The following ZNF385D variants were observed in gnomAD, a reference collection of about 807,000 sequenced individuals.
The protein encoded by ZNF385D is zinc finger protein 659.
In ZNF385D, 15 loss-of-function variants were observed where a neutral mutation model predicts 35.8. The ratio of observed to expected loss-of-function variants is 0.42; its 90% CI spans 0.28 to 0.64. The LOEUF (loss-of-function observed/expected upper bound fraction) is 0.64, where lower values mean the gene tolerates loss of function less well. ZNF385D is among the 30% of genes least tolerant of loss of function. The pLI is 0.23. For synonymous variants in ZNF385D, 212 were observed against 186.8 expected (o/e 1.13, Z -1.10); for missense variants, 474 against 494.6 (o/e 0.96, Z 0.39).
At chr3:22,159,582 A>C (rs1044685298) in intron 3 of ZNF385D, among the ~76,000 whole-genome samples, 1 of 152,130 alleles carries the variant, frequency 6.6e-6, no homozygotes, top group African/African-American at 2.4e-5. Flanking sequence ...TATTAAGTCC[A>C]GGTAAAACAA....
intron 3 of ZNF385D, among the ~76,000 whole-genome samples, chr3:21,997,980 G>A (rs1203543628): frequency 6.6e-6 from 1 of 151,536 alleles, no homozygotes; most frequent in South Asian, 2.1e-4. Flanking sequence ...TGATAACCCT[G>A]CAGATCAAAA....
intron 2 of ZNF385D, among the ~76,000 whole-genome samples, chr3:21,650,797 G>A (rs990116564): frequency 6.6e-6 from 1 of 152,116 alleles, no homozygotes; most frequent in African/African-American, 2.4e-5. Flanking sequence ...AACAGTTTCT[G>A]AGACCAGTGT....
At chr3:21,580,547 C>G (rs983017665) in intron 2 of ZNF385D, among the ~76,000 whole-genome samples, 5 of 151,974 alleles carry the variant, frequency 3.3e-5, no homozygotes, top group Non-Finnish European at 7.4e-5. Context: ...ACATTTTTTT[C>G]TTGCTTTACT....
At chr3:22,301,038 G>A (rs1702872918) in intron 2 of ZNF385D, among the ~76,000 whole-genome samples, 1 of 151,906 alleles carries the variant, frequency 6.6e-6, no homozygotes, top group Non-Finnish European at 1.5e-5. Flanking sequence ...AACAACCTAG[G>A]TGTCATTCAA....
chr3:21,975,739 A>ATATATATGTATG (rs1553711018), intron 3 of ZNF385D, among the ~76,000 whole-genome samples: 1 of 48,404 alleles, frequency 2.1e-5, no homozygotes, highest in African/African-American at 1.5e-4. Context: ...ATATATATAT[A>ATATATATGTATG]TATATATATA....
upstream of ZNF385D, among the ~76,000 whole-genome samples, chr3:21,754,118 G>A (rs2070231833): frequency 6.6e-6 from 1 of 152,124 alleles, no homozygotes; most frequent in Admixed American, 6.5e-5. Context: ...ATTCCTGTGA[G>A]TAATACTGCA....
At chr3:21,445,579 C>T (rs545383360) in intron 4 of ZNF385D, among the ~76,000 whole-genome samples, 2 of 152,300 alleles carry the variant, frequency 1.3e-5, no homozygotes, top group South Asian at 2.1e-4. Context: ...ATCACCTCAG[C>T]AATCTATATC....
At chr3:21,769,614 A>G (rs1459633550) in intron 3 of ZNF385D, among the ~76,000 whole-genome samples, 12 of 107,586 alleles carry the variant, frequency 1.1e-4, no homozygotes, top group Non-Finnish European at 2.2e-4. Flanking sequence ...AGAACATTCC[A>G]TGCTCATGGA....
intron 4 of ZNF385D, among the ~76,000 whole-genome samples, chr3:21,500,035 C>G (rs1463303703): frequency 6.6e-6 from 1 of 152,120 alleles, no homozygotes; most frequent in African/African-American, 2.4e-5. Flanking sequence ...TGAAGTAGCT[C>G]ACTAATTTAG....
intron 1 of ZNF385D, among the ~76,000 whole-genome samples, chr3:21,690,575 G>T (rs149758206): frequency 7.4e-4 from 113 of 152,142 alleles, no homozygotes; most frequent in African/African-American, 2.5e-3. Flanking sequence ...GACAATGTTG[G>T]CATCTAAACA....
chr3:22,310,476 A>C (rs1235579635), intron 2 of ZNF385D, among the ~76,000 whole-genome samples: 1 of 151,998 alleles, frequency 6.6e-6, no homozygotes, highest in South Asian at 2.1e-4. Context: ...TAGAACATTT[A>C]TGCTATATCC....
chr3:21,842,086 A>G lies in ZNF385D; in HGVS notation c.326-177058T>C, dbSNP rs184440405. On this transcript the variant is annotated intron_variant, in intron 3 of 5. Transcript: ENST00000494108. ...AAAATTTAGATTTTTTGTTAAATTT[A>G]AAACTATATGTTATTTTAAAGCTGC... Among the ~76,000 whole-genome samples, 1,142 of 152,034 alleles carry G rather than the reference A, an allele frequency of 7.5e-3. 13 individuals carry two copies. The highest frequency in any genetic ancestry group is 0.026 in the African/African-American group (1,099 of 41,514).
In ZNF385D at chr3:21,466,595, T is replaced by G. The variant is rs562067651; in HGVS notation, c.440-29392A>C. 2.0e-5 allele frequency among the ~76,000 whole-genome samples: 3 copies of G among 152,302 alleles called. No individual in the cohort carries two copies. In the East Asian group the frequency reaches 5.8e-4, roughly 29 times the overall value. On this transcript the variant is annotated intron_variant, in intron 4 of 7. Coordinates refer to ENST00000281523, the MANE Select transcript of ZNF385D (RefSeq NM_024697.3). ...ACCTGTATCTCAATTTCCTGCCTACTGGTTGCATTCCTCACTAGCCTGAAA... is the reference window on the plus strand; with the variant it reads ...ACCTGTATCTCAATTTCCTGCCTACGGGTTGCATTCCTCACTAGCCTGAAA...
intron 3 of ZNF385D, among the ~76,000 whole-genome samples, chr3:21,942,153 T>G (rs993450536): frequency 2.3e-4 from 35 of 152,210 alleles, no homozygotes; most frequent in African/African-American, 8.2e-4. Flanking sequence ...GTCAAAAATT[T>G]TATAGCGTAA....
chr3:22,096,228 C>G (rs1419733733), intron 3 of ZNF385D, among the ~76,000 whole-genome samples: 1 of 151,944 alleles, frequency 6.6e-6, no homozygotes, highest in Non-Finnish European at 1.5e-5. Context: ...ATGCTCACTA[C>G]CTGGGTGGCA....
At chr3:22,069,665 T>A (rs1700136404) in intron 3 of ZNF385D, among the ~76,000 whole-genome samples, 1 of 152,144 alleles carries the variant, frequency 6.6e-6, no homozygotes, top group African/African-American at 2.4e-5. Context: ...CATTCTATCA[T>A]TTTCCCTGAA....
intron 3 of ZNF385D, among the ~76,000 whole-genome samples, chr3:22,129,374 G>T (rs1447736575): frequency 6.6e-6 from 1 of 152,118 alleles, no homozygotes; most frequent in African/African-American, 2.4e-5. Flanking sequence ...TCTGTCAGCG[G>T]GTGATGAATC....
chr3:22,314,169 A>C (rs540126098), intron 2 of ZNF385D, among the ~76,000 whole-genome samples: 1 of 152,210 alleles, frequency 6.6e-6, no homozygotes, highest in South Asian at 2.1e-4. Flanking sequence ...GCAGTTGGTT[A>C]TATGAGTAAG....
At chr3:21,980,093 C>A (rs976285636) in intron 3 of ZNF385D, among the ~76,000 whole-genome samples, 16 of 152,254 alleles carry the variant, frequency 1.1e-4, no homozygotes, top group African/African-American at 3.9e-4. Context: ...CTAGGTTAAG[C>A]TAGCTATATT....
Sources: gnomAD v4.1 joint callset for allele counts (sites outside exome capture counted in the v4.1 genomes callset) on GRCh38, gnomAD v4.1.1 for gene constraint, MANE v1.5 for transcripts, NCBI Gene and HGNC (gene_info 2026-07-23, HGNC 2026-07-21) for gene names.